Variants in SEC63 observed in about 807,000 individuals in gnomAD.
SEC63 encodes the protein translocation protein SEC63 homolog.
Under a neutral mutation model 116.2 loss-of-function variants are expected in SEC63, and 56 were observed. The ratio of observed to expected loss-of-function variants is 0.48; its 90% confidence interval spans 0.39 to 0.60. The LOEUF (loss-of-function observed/expected upper bound fraction) is 0.60. SEC63 is among the 20% of genes least tolerant of loss of function. The pLI is 0.00. For synonymous variants in SEC63, 273 were observed against 294.6 expected, an observed-to-expected ratio of 0.93 and a Z score of 0.75; for missense variants, 668 against 900.0, an observed-to-expected ratio of 0.74 and a Z score of 3.30.
chr6:107,933,748 C>A (rs552291518), intron 1 of SEC63, among the ~76,000 whole-genome samples: 1 of 149,774 alleles, frequency 6.7e-6, no homozygotes, highest in African/African-American at 2.4e-5. Flanking sequence ...CCCTCTCTTT[C>A]CACGGTCTCC....
At chr6:107,892,451 G>C (rs143893838) in intron 16 of SEC63, among the ~76,000 whole-genome samples, 1 of 152,182 alleles carries the variant, frequency 6.6e-6, no homozygotes, top group African/African-American at 2.4e-5. Flanking sequence ...AATGTTTCCA[G>C]AAGAAAACAG....
At chr6:107,915,143 A>T (rs914840247) in intron 4 of SEC63, among the ~76,000 whole-genome samples, 3 of 152,170 alleles carry the variant, frequency 2.0e-5, no homozygotes, top group Non-Finnish European at 4.4e-5. Flanking sequence ...TTCACATTTA[A>T]CAAGCTTAAA....
intron 4 of SEC63, among the ~76,000 whole-genome samples, chr6:107,916,948 C>T (rs190749312): frequency 6.6e-6 from 1 of 152,190 alleles, no homozygotes; most frequent in Non-Finnish European, 1.5e-5. Context: ...CAAGCCCCCA[C>T]AAAATCTGGC....
intron 18 of SEC63, among the ~76,000 whole-genome samples, chr6:107,877,871 A>G (rs1204045220): frequency 6.6e-6 from 1 of 152,264 alleles, no homozygotes; most frequent in African/African-American, 2.4e-5. Flanking sequence ...TTCGGAGATA[A>G]AGCACTGCAA....
At chr6:107,935,055 G>C (rs1428630529) in intron 1 of SEC63, among the ~76,000 whole-genome samples, 1 of 133,044 alleles carries the variant, frequency 7.5e-6, no homozygotes, top group East Asian at 2.4e-4. Context: ...CCTCTGCCCA[G>C]CCGCCCCTAC....
intron 1 of SEC63, among the ~76,000 whole-genome samples, chr6:107,935,162 G>A (rs982697079): frequency 2.0e-5 from 3 of 150,590 alleles, no homozygotes; most frequent in Admixed American, 6.6e-5. Context: ...CGTCCGGGAG[G>A]GAGGTGGGGG....
chr6:107,935,167 TG>T (rs1275864415), intron 1 of SEC63, among the ~76,000 whole-genome samples: 16 of 119,978 alleles, frequency 1.3e-4, no homozygotes, highest in African/African-American at 5.2e-4. Context: ...GGGAGGGAGG[TG>T]GGGGGGTCAG....
chr6:107,924,639 A>G (rs1367396390), intron 3 of SEC63, among the ~76,000 whole-genome samples, 179 bp downstream of exon 3: 17 of 141,770 alleles, frequency 1.2e-4, no homozygotes, highest in Non-Finnish European at 3.1e-5. Context: ...TATTAATAAC[A>G]TAACAATCAA....
chr6:107,884,804 T>C (rs1162191344), intron 16 of SEC63, among the ~76,000 whole-genome samples: 1 of 151,936 alleles, frequency 6.6e-6, no homozygotes, highest in Non-Finnish European at 1.5e-5. Context: ...GAAAATACTG[T>C]AAAATCCAGA....
intron 16 of SEC63, among the ~76,000 whole-genome samples, chr6:107,885,049 C>T (rs977854639): frequency 6.6e-6 from 1 of 152,080 alleles, no homozygotes; most frequent in African/African-American, 2.4e-5. Flanking sequence ...AAAACTTACA[C>T]CTAACATCAC....
chr6:107,930,876 TC>T (rs1787790974), intron 1 of SEC63, among the ~76,000 whole-genome samples: 1 of 151,842 alleles, frequency 6.6e-6, no homozygotes, highest in Non-Finnish European at 1.5e-5. Flanking sequence ...ACACCTGTAG[TC>T]CCAGCTACTC....
At chr6:107,908,800 T>C in intron 8 of SEC63, 127 bp downstream of exon 8, 1 of 572,898 alleles carries the variant, frequency 1.7e-6, no homozygotes, top group Non-Finnish European at 3.1e-6. Context: ...GCTTTAATTA[T>C]ATAAATTAAC....
At chr6:107,929,080 C>T (rs1185800349) in intron 2 of SEC63, among the ~76,000 whole-genome samples, 1 of 152,220 alleles carries the variant, frequency 6.6e-6, no homozygotes, top group African/African-American at 2.4e-5. Flanking sequence ...GAAATGCTAA[C>T]TTGTTCATGT....
At chr6:107,885,720 T>C (rs1213895152) in intron 16 of SEC63, among the ~76,000 whole-genome samples, 1 of 151,924 alleles carries the variant, frequency 6.6e-6, no homozygotes, top group Admixed American at 6.6e-5. Flanking sequence ...AAATAAAGAG[T>C]TGGAGCACTT....
At chr6:107,901,590 CAT>C in intron 12 of SEC63, 73 bp from the exon 13 acceptor site, 4 of 1,083,738 alleles carry the variant, frequency 3.7e-6, no homozygotes, top group East Asian at 2.6e-5. Context: ...AAATTACTCA[CAT>C]GTTAACCACA....
intron 19 of SEC63, 45 bp downstream of exon 19, chr6:107,876,519 A>G: frequency 9.1e-7 from 1 of 1,100,734 alleles, no homozygotes; most frequent in Non-Finnish European, 1.4e-6. Context: ...TGATGGTGAC[A>G]GCTGTGCCTT....
At chr6:107,877,743 A>G (rs1786315392) in intron 18 of SEC63, among the ~76,000 whole-genome samples, 1 of 152,180 alleles carries the variant, frequency 6.6e-6, no homozygotes, top group Non-Finnish European at 1.5e-5. Context: ...CGCCTGGCCC[A>G]TATTTATGTT....
At chr6:107,935,343 T>C (rs1236068995) in intron 1 of SEC63, among the ~76,000 whole-genome samples, 1 of 151,122 alleles carries the variant, frequency 6.6e-6, no homozygotes, top group African/African-American at 2.4e-5. Context: ...TTTTGTGGAA[T>C]AGAAAGGGGG....
At chr6:107,934,066 C>G (rs1040067860) in intron 1 of SEC63, among the ~76,000 whole-genome samples, 1 of 152,154 alleles carries the variant, frequency 6.6e-6, no homozygotes, top group Non-Finnish European at 1.5e-5. Context: ...GATCTTGGCT[C>G]GCTACAACCT....
Sources: allele counts gnomAD v4.1 joint callset (sites outside exome capture counted in the v4.1 genomes callset), GRCh38; gene constraint gnomAD v4.1.1; transcripts MANE v1.5; gene names NCBI Gene and HGNC (gene_info 2026-07-23, HGNC 2026-07-21).